The following PLCB1 variants were observed in gnomAD, a reference collection of about 807,000 sequenced individuals.
PLCB1 encodes the protein 1-phosphatidylinositol 4,5-bisphosphate phosphodiesterase beta-1.
Under a neutral mutation model 161.8 loss-of-function variants are expected in PLCB1, and 46 were observed. That is an observed-to-expected ratio of 0.28 (90% CI 0.22 to 0.36). The LOEUF (loss-of-function observed/expected upper bound fraction) is 0.36. PLCB1 is among the 10% of genes least tolerant of loss of function. PLCB1 has a pLI of 1.00. For synonymous variants in PLCB1, 517 were observed against 503.7 expected, an observed-to-expected ratio of 1.03 and a Z score of -0.35; for missense variants, 1,016 against 1,472.5, an observed-to-expected ratio of 0.69 and a Z score of 5.07.
intron 3 of PLCB1, among the ~76,000 whole-genome samples, chr20:8,559,154 CA>C (rs779303269): frequency 2.0e-5 from 3 of 151,636 alleles, no homozygotes; most frequent in Non-Finnish European, 4.4e-5. Flanking sequence ...AGTTTACATA[CA>C]ATGTATAAAG....
chr20:8,803,662 A>G (rs1416901982), intron 31 of PLCB1, among the ~76,000 whole-genome samples: 1 of 152,078 alleles, frequency 6.6e-6, no homozygotes, highest in Non-Finnish European at 1.5e-5. Flanking sequence ...GACCTTGACA[A>G]TTTCTTCTTC....
At chr20:8,285,560 C>T (rs1983078479) in intron 2 of PLCB1, among the ~76,000 whole-genome samples, 1 of 152,128 alleles carries the variant, frequency 6.6e-6, no homozygotes, top group South Asian at 2.1e-4. Context: ...GATCCAGACA[C>T]TTGAAGGACA....
chr20:8,276,986 C>CTTCTTATTATTATTATTA (rs869194352), intron 2 of PLCB1, among the ~76,000 whole-genome samples: 24 of 93,348 alleles, frequency 2.6e-4, no homozygotes, highest in East Asian at 1.0e-3. Flanking sequence ...TCTTCTTCTT[C>CTTCTTATTATTATTATTA]TTATTATTAT....
intron 31 of PLCB1, among the ~76,000 whole-genome samples, chr20:8,803,238 C>T (rs991627113): frequency 2.0e-5 from 3 of 151,686 alleles, no homozygotes; most frequent in Admixed American, 6.6e-5. Context: ...TGAGTGGGGC[C>T]GGAAAGTCTG....
At chr20:8,178,390 T>G (rs1189392090) in intron 2 of PLCB1, among the ~76,000 whole-genome samples, 1 of 152,226 alleles carries the variant, frequency 6.6e-6, no homozygotes, top group Admixed American at 6.5e-5. Context: ...ATTTCTCTCA[T>G]GATTAGTGAC....
chr20:8,510,383 CTTTTTTTTTT>C (rs11479098), intron 3 of PLCB1, among the ~76,000 whole-genome samples: 1 of 119,822 alleles, frequency 8.3e-6, no homozygotes, highest in Non-Finnish European at 1.7e-5. Context: ...TTTTCTTTTT[CTTTTTTTTTT>C]TTTTTTTTTA....
chr20:8,881,735 C>A lies in PLCB1; in HGVS notation c.3537C>A (p.His1179Gln). The change falls in exon 32 of 32, where the codon CAC becomes CAA. Residue 1179 changes from histidine to glutamine, a missense_variant. His to Gln is a conservative substitution (Grantham distance 24). Transcript: ENST00000338037. ...GAAAGATCAGTGAAGACAGCAATCA[C>A]GGTTCTGCCCCTCTCTCCCTGTCCT... ...MKGKISEDSN[H>Q]GSAPLSLSSD... The A allele has an allele frequency of 6.2e-7, 1 of 1,613,894 alleles. No homozygotes were observed. The highest frequency in any genetic ancestry group is 1.1e-5 in the South Asian group (1 of 91,076).
chr20:8,746,939 A>G (rs918327084), intron 23 of PLCB1, among the ~76,000 whole-genome samples: 1 of 152,150 alleles, frequency 6.6e-6, no homozygotes, highest in Non-Finnish European at 1.5e-5. Flanking sequence ...AGCATCTCTA[A>G]TAAGCCCCCA....
At chr20:8,776,044 T>C (rs905922439) in intron 27 of PLCB1, among the ~76,000 whole-genome samples, 5 of 152,172 alleles carry the variant, frequency 3.3e-5, no homozygotes, top group Non-Finnish European at 7.3e-5. Flanking sequence ...CGGGCAATAA[T>C]GGCTTTGAGA....
intron 13 of PLCB1, 110 bp downstream of exon 13, chr20:8,716,458 C>T: frequency 1.2e-6 from 1 of 814,130 alleles, no homozygotes; most frequent in Non-Finnish European, 2.1e-6. Flanking sequence ...AAGATTAATG[C>T]AGTTGGTGAT....
chr20:8,209,726 A>G (rs974893213), intron 2 of PLCB1, among the ~76,000 whole-genome samples: 17 of 152,140 alleles, frequency 1.1e-4, no homozygotes, highest in South Asian at 4.1e-4. Flanking sequence ...TCAATTTGAT[A>G]TGTCACTATA....
In PLCB1 at chr20:8,632,043, T is replaced by TTTTG. The variant is rs1332204651; in HGVS notation, c.384+3615_384+3616insGTTT. Among the ~76,000 whole-genome samples the TTTTG allele has an allele frequency of 2.6e-3, 193 of 75,158 alleles. 4 individuals carry two copies. The highest frequency in any genetic ancestry group is 0.021 in the Middle Eastern group (3 of 142). The allele number at this position is 75,158 out of a possible 152,430, so 49.3% of individuals were successfully genotyped here. On this transcript the variant is annotated intron_variant, in intron 4 of 31. Coordinates refer to ENST00000338037, the MANE Select transcript of PLCB1 (RefSeq NM_015192.4). Reference sequence around the variant, plus strand: ...AATATGGGTTTTTTTTGCTTTTTTTTTTTTTTTTTTTTTTTTTTTTTTTTG... The same window carrying TTTTG: ...AATATGGGTTTTTTTTGCTTTTTTTTTTTGTTTTTTTTTTTTTTTTTTTTTTTTG...
At chr20:8,383,717 C>T (rs1987334519) in intron 3 of PLCB1, among the ~76,000 whole-genome samples, 1 of 152,140 alleles carries the variant, frequency 6.6e-6, no homozygotes, top group Non-Finnish European at 1.5e-5. Context: ...GCAAGTCAAG[C>T]CTGGACTAAA....
intron 2 of PLCB1, among the ~76,000 whole-genome samples, chr20:8,199,209 G>C (rs1361283765): frequency 6.6e-6 from 1 of 152,014 alleles, no homozygotes; most frequent in African/African-American, 2.4e-5. Context: ...TGGATGATCT[G>C]TACCTGATTT....
At chr20:8,824,144 A>G (rs1316194836) in intron 31 of PLCB1, among the ~76,000 whole-genome samples, 2 of 152,152 alleles carry the variant, frequency 1.3e-5, no homozygotes, top group African/African-American at 4.8e-5. Context: ...TAAAAGCTCA[A>G]TACCTTTATT....
chr20:8,821,918 T>A (rs1387253143), intron 31 of PLCB1, among the ~76,000 whole-genome samples: 2 of 152,178 alleles, frequency 1.3e-5, no homozygotes, highest in African/African-American at 4.8e-5. Flanking sequence ...TTTCTGCTGC[T>A]AGGCCACAAT....
At chr20:8,357,694 G>T (rs978698121) in intron 2 of PLCB1, among the ~76,000 whole-genome samples, 5 of 152,112 alleles carry the variant, frequency 3.3e-5, no homozygotes, top group Non-Finnish European at 5.9e-5. Context: ...AGAAAAAAAT[G>T]AGAATGTCTG....
intron 31 of PLCB1, among the ~76,000 whole-genome samples, chr20:8,817,331 C>G (rs1266227546): frequency 1.3e-5 from 2 of 152,140 alleles, no homozygotes; most frequent in Non-Finnish European, 2.9e-5. Context: ...AGGTGTCTAT[C>G]AGTGTCAGCT....
At chr20:8,547,361 A>G (rs141325562) in intron 3 of PLCB1, among the ~76,000 whole-genome samples, 4 of 152,342 alleles carry the variant, frequency 2.6e-5, no homozygotes, top group African/African-American at 7.2e-5. Context: ...GATTTGGATC[A>G]GATAGTTATT....
Sources: gnomAD v4.1 joint callset for allele counts (sites outside exome capture counted in the v4.1 genomes callset) on GRCh38, gnomAD v4.1.1 for gene constraint, MANE v1.5 for transcripts, NCBI Gene and HGNC (gene_info 2026-07-23, HGNC 2026-07-21) for gene names.